Variants in MYOM1 observed in about 807,000 individuals in gnomAD.
MYOM1 encodes the protein myomesin 1.
MYOM1 carries 164 observed loss-of-function variants against 205.3 expected under a neutral mutation model. The ratio of observed to expected loss-of-function variants is 0.80; its 90% CI spans 0.70 to 0.91. The LOEUF (loss-of-function observed/expected upper bound fraction) is 0.91, where lower values mean the gene tolerates loss of function less well. Ranked by LOEUF, MYOM1 falls within the 40% of genes least tolerant of loss-of-function variation. MYOM1 has a pLI of 0.00. For missense variants in MYOM1, 2,011 were observed against 2,127.3 expected (o/e 0.95, Z 1.08); for synonymous variants, 772 against 789.4 (o/e 0.98, Z 0.37).
intron 2 of MYOM1, among the ~76,000 whole-genome samples, chr18:3,194,819 T>C (rs2144178921): frequency 6.6e-6 from 1 of 152,214 alleles, no homozygotes; most frequent in African/African-American, 2.4e-5. Flanking sequence ...GTCCCTGATC[T>C]ACACATTAAG....
chr18:3,130,111 C>T (rs531602721), intron 17 of MYOM1, among the ~76,000 whole-genome samples: 117 of 151,474 alleles, frequency 7.7e-4, no homozygotes, highest in African/African-American at 2.6e-3. Flanking sequence ...GGCGCAATCT[C>T]GGCTCACTGC....
chr18:3,115,926 C>T (rs765201534), intron 21 of MYOM1, among the ~76,000 whole-genome samples: 5 of 152,126 alleles, frequency 3.3e-5, no homozygotes, highest in Non-Finnish European at 5.9e-5. Context: ...TAGTCACAGG[C>T]TTCCTGGTGT....
the MYOM1 span, among the ~76,000 whole-genome samples, chr18:3,239,288 G>T: frequency 1.3e-5 from 2 of 152,174 alleles, no homozygotes; most frequent in African/African-American, 4.8e-5. Flanking sequence ...AGGAGAGGAG[G>T]GGGAGGACAA....
chr18:3,147,769 T>C lies in MYOM1; in HGVS notation c.1900+1376A>G, dbSNP rs574620799. On this transcript the variant is annotated intron_variant, in intron 13 of 37. Coordinates refer to ENST00000356443, the MANE Select transcript of MYOM1 (RefSeq NM_003803.4). ...TAAAGAACAATCTTTTCAATAGATA[T>C]TGCTGAAATAATTTAATAGCCATAT... Among the ~76,000 whole-genome samples the C allele has an allele frequency of 1.2e-4, 18 of 152,294 alleles. 1 individual carries two copies. The South Asian group carries it at 3.3e-3, about 28-fold the overall frequency.
chr18:3,228,413 A>G, the MYOM1 span, among the ~76,000 whole-genome samples: 1 of 152,190 alleles, frequency 6.6e-6, no homozygotes. The surrounding 1 kb of genome is among the most constrained non-coding windows in gnomAD (Gnocchi z 4.5). Flanking sequence ...AACAACGGAG[A>G]GCCAGATCTT....
chr18:3,192,092 G>A (rs909503360), intron 3 of MYOM1, among the ~76,000 whole-genome samples: 1 of 152,188 alleles, frequency 6.6e-6, no homozygotes, highest in African/African-American at 2.4e-5. Context: ...GCAGGGAGAA[G>A]ATGTTAGGAG....
At chr18:3,214,804 C>T in intron 2 of MYOM1, 130 bp downstream of exon 2, 1 of 1,034,900 alleles carries the variant, frequency 9.7e-7, no homozygotes, top group Non-Finnish European at 1.4e-6. Context: ...CCAGCCTGGG[C>T]AACAAGAGCG....
chr18:3,155,994 T>C (rs1033727113), intron 10 of MYOM1, among the ~76,000 whole-genome samples: 1 of 152,194 alleles, frequency 6.6e-6, no homozygotes, highest in African/African-American at 2.4e-5. Context: ...TCCGGGATAA[T>C]ACAGGAAACA....
chr18:3,231,733 G>T, the MYOM1 span, among the ~76,000 whole-genome samples: 1 of 151,264 alleles, frequency 6.6e-6, no homozygotes. Context: ...TAGTAGAGAC[G>T]GGGTTTCACC....
rs2081249785 is a variant in MYOM1, at chr18:3,215,188, G to C, written c.36C>G (p.His12Gln). ...CCTTGTTGCGGTAGCTGAGATCATA[G>C]TGCTGGTGGCACCTCTGATAAAAAG... ...SLPFYQRCHQ[H>Q]YDLSYRNKDV... The change falls in exon 2 of 38, where the codon CAC becomes CAG. Residue 12 changes from histidine (H) to glutamine (Q), a missense_variant. Coordinates refer to ENST00000356443, the MANE Select transcript of MYOM1 (RefSeq NM_003803.4). The C allele has an allele frequency of 1.2e-6, 2 of 1,613,144 alleles. No individual in the cohort carries two copies. Among genetic ancestry groups the C allele is most frequent in the East Asian group, 4.5e-5 (2 of 44,868 alleles).
Position 3,068,108 on chromosome 18 carries a change from G to A in MYOM1, c.4765-553C>T, listed in dbSNP as rs184585448. On this transcript the variant is annotated intron_variant, in intron 37 of 37. Coordinates refer to ENST00000356443, the MANE Select transcript of MYOM1 (RefSeq NM_003803.4). ...AGTTGCAGTGGTCCCCTACCAAAAC[G>A]TATTCCTAAAGAAAATATTCCCATC... Among the ~76,000 whole-genome samples, 442 of 152,002 alleles carry A rather than the reference G, an allele frequency of 2.9e-3. 5 individuals are homozygous for A. Among genetic ancestry groups the A allele is most frequent in the African/African-American group, 9.1e-3 (377 of 41,452 alleles).
At chr18:3,129,143 C>A in intron 18 of MYOM1, 89 bp downstream of exon 18, 1 of 1,447,606 alleles carries the variant, frequency 6.9e-7, no homozygotes. Flanking sequence ...TTGATGAAAG[C>A]AAACATGGAT....
intron 2 of MYOM1, among the ~76,000 whole-genome samples, chr18:3,195,052 C>T (rs981272247): frequency 6.6e-6 from 1 of 152,188 alleles, no homozygotes; most frequent in Non-Finnish European, 1.5e-5. Context: ...CAAACCTTGA[C>T]CATTTCCTAA....
At chr18:3,145,842 T>A (rs1257808626) in intron 13 of MYOM1, among the ~76,000 whole-genome samples, 1 of 152,052 alleles carries the variant, frequency 6.6e-6, no homozygotes, top group Admixed American at 6.6e-5. Context: ...AACCAAAAGC[T>A]GTTTCTTTGG....
chr18:3,222,856 A>G (rs1662311), upstream of MYOM1, among the ~76,000 whole-genome samples: 2,476 of 152,188 alleles, frequency 0.016, 70 homozygotes, highest in African/African-American at 0.057. Flanking sequence ...TGTGACTTTA[A>G]GGATATTAAT....
Position 3,191,931 on chromosome 18 carries a change from T to C in MYOM1, c.431+1887A>G, listed in dbSNP as rs556698139. On this transcript the variant is annotated intron_variant, in intron 3 of 37. Coordinates refer to ENST00000356443, the MANE Select transcript of MYOM1 (RefSeq NM_003803.4). Reference sequence around the variant, plus strand: ...CAGGATGGTCTCAATCTCCTGACATTGTGATCTGCCCGCCTCAGCCTCCCA... The same window carrying C: ...CAGGATGGTCTCAATCTCCTGACATCGTGATCTGCCCGCCTCAGCCTCCCA... Among the ~76,000 whole-genome samples, 394 of 152,018 alleles carry C rather than the reference T, an allele frequency of 2.6e-3. 1 individual carries two copies. The highest frequency in any genetic ancestry group is 6.3e-3 in the African/African-American group (263 of 41,438).
At chr18:3,191,068 T>C (rs963632473) in intron 3 of MYOM1, among the ~76,000 whole-genome samples, 1 of 152,154 alleles carries the variant, frequency 6.6e-6, no homozygotes, top group African/African-American at 2.4e-5. Context: ...TAAGTAAAAG[T>C]CAGGATTTAT....
intron 2 of MYOM1, among the ~76,000 whole-genome samples, chr18:3,199,750 G>C (rs2081042257): frequency 6.6e-6 from 1 of 152,134 alleles, no homozygotes; most frequent in Non-Finnish European, 1.5e-5. Context: ...TGAGGCAGGA[G>C]AATCACTTGA....
At chr18:3,073,576 C>T (rs1159132244) in intron 36 of MYOM1, among the ~76,000 whole-genome samples, 1 of 152,258 alleles carries the variant, frequency 6.6e-6, no homozygotes, top group African/African-American at 2.4e-5. Flanking sequence ...CTGGGCCAGT[C>T]ACTTCACTGT....
Sources: gnomAD v4.1 joint callset for allele counts (sites outside exome capture counted in the v4.1 genomes callset) on GRCh38, gnomAD v4.1.1 for gene constraint, Gnocchi (gnomAD v3.1) non-coding constraint, MANE v1.5 for transcripts, NCBI Gene and HGNC (gene_info 2026-07-23, HGNC 2026-07-21) for gene names.